Variants in SGO1 observed in about 807,000 individuals in gnomAD.
The protein encoded by SGO1 is serologically defined breast cancer antigen NY-BR-85.
SGO1 carries 39 observed loss-of-function variants against 50.5 expected under a neutral mutation model. The ratio of observed to expected loss-of-function variants is 0.77; its 90% CI spans 0.60 to 1.01. The LOEUF is 1.01. Among genes scored for constraint, SGO1 ranks in the 50% least tolerant of loss-of-function variants. SGO1 has a pLI of 0.00. For synonymous variants in SGO1, 191 were observed against 205.1 expected (o/e 0.93, Z 0.59); for missense variants, 638 against 606.0 (o/e 1.05, Z -0.55).
At chr3:20,175,937 T>C (rs1701340166) in intron 5 of SGO1, among the ~76,000 whole-genome samples, 1 of 152,316 alleles carries the variant, frequency 6.6e-6, no homozygotes, top group Admixed American at 6.5e-5. Flanking sequence ...GGGAGCTAAG[T>C]TGTTCTTTGA....
chr3:20,183,495 A>C, intron 3 of SGO1, 113 bp downstream of exon 3: 2 of 899,124 alleles, frequency 2.2e-6, no homozygotes, highest in Non-Finnish European at 3.3e-6. Context: ...GATGTTTTAA[A>C]CAATTCATGC....
intron 3 of SGO1, among the ~76,000 whole-genome samples, chr3:20,181,155 C>A (rs919933086): frequency 8.5e-5 from 13 of 152,146 alleles, no homozygotes; most frequent in African/African-American, 3.1e-4. Flanking sequence ...ACTCTGTCCA[C>A]CCCCAACCTA....
At chr3:20,176,418 C>G in intron 5 of SGO1, among the ~76,000 whole-genome samples, 183 bp downstream of exon 5, 1 of 151,898 alleles carries the variant, frequency 6.6e-6, no homozygotes, top group Middle Eastern at 3.2e-3. Flanking sequence ...AGATTTGACA[C>G]AATAAATATA....
chr3:20,169,760 ACTTAT>A lies in SGO1; in HGVS notation c.*939_*943del. 1.1e-6 allele frequency: 1 copy of A among 938,508 alleles called. No homozygotes were observed. The highest frequency in any genetic ancestry group is 1.3e-6 in the Non-Finnish European group (1 of 787,256). 58.1% of individuals were successfully genotyped at this position (938,508 alleles called of 1,614,324 possible). A position where few individuals can be genotyped will look rare whatever the true frequency, so the allele number is the denominator to read the frequency against. ...TAGAGCTTGGGGTTCACAATTAGTC[ACTTAT>A]CTTGTCCCTGAGCCTAAAAAAGAAT... On this transcript the variant is annotated 3_prime_UTR_variant, in exon 8 of 8. Coordinates refer to ENST00000412997, the MANE Select transcript of SGO1 (RefSeq NM_001199251.3).
chr3:20,164,174 G>C (rs1182168094), intron 8 of SGO1, among the ~76,000 whole-genome samples: 1 of 152,148 alleles, frequency 6.6e-6, no homozygotes, highest in East Asian at 1.9e-4. Flanking sequence ...ACGTAGATGT[G>C]AAGATCTTTA....
At chr3:20,164,613 TAGAA>T (rs1014857834), downstream of SGO1, among the ~76,000 whole-genome samples, 10 of 151,834 alleles carry the variant, frequency 6.6e-5, no homozygotes, top group African/African-American at 1.5e-4. Context: ...ACATGCAAAA[TAGAA>T]AGACAGAAGT....
intron 8 of SGO1, among the ~76,000 whole-genome samples, chr3:20,164,311 G>C (rs990779536): frequency 6.6e-6 from 1 of 151,764 alleles, no homozygotes; most frequent in Admixed American, 6.6e-5. Flanking sequence ...ACCATATTAA[G>C]AGAATAAAGG....
chr3:20,171,348 A>T (rs1575197252), intron 6 of SGO1, 116 bp from the exon 7 acceptor site: 14 of 864,116 alleles, frequency 1.6e-5, no homozygotes, highest in Non-Finnish European at 2.3e-5. Flanking sequence ...TAATAATAGA[A>T]TTTTTTTTTA....
At chr3:20,184,138 G>C in intron 1 of SGO1, 104 bp from the exon 2 acceptor site, 2 of 838,690 alleles carry the variant, frequency 2.4e-6, no homozygotes, top group South Asian at 5.1e-5. Context: ...CTAAACTGTA[G>C]AATTAGCTCA....
intron 8 of SGO1, among the ~76,000 whole-genome samples, chr3:20,161,700 A>G (rs1256892550): frequency 1.3e-5 from 2 of 152,156 alleles, no homozygotes; most frequent in Non-Finnish European, 2.9e-5. Context: ...ATTACGAGAT[A>G]TTGCATAAGG....
intron 1 of SGO1, among the ~76,000 whole-genome samples, chr3:20,184,628 T>A (rs1044837202): frequency 3.3e-5 from 5 of 152,170 alleles, no homozygotes; most frequent in Non-Finnish European, 7.4e-5. Context: ...ACATACAATT[T>A]TAATAGGCTA....
rs184849831 is a variant in SGO1 at position 20,163,372 on chromosome 3, T to C, written c.1565-2146A>G. 6.8e-4 allele frequency among the ~76,000 whole-genome samples: 104 copies of C among 152,242 alleles called. No homozygotes were observed. The Middle Eastern group carries it at 0.014, about 20-fold the overall frequency. ...ATATAAAAACTTTTCTTGGAGTTAG[T>C]TCTAACAGAACTAACATTGGAATTG... On this transcript the variant is annotated intron_variant, in intron 8 of 8. Coordinates refer to the SGO1 transcript ENST00000263753.
chr3:20,174,329 G>C lies in SGO1; in HGVS notation c.1202C>G (p.Thr401Ser). 1 of 1,614,172 alleles carries C rather than the reference G, an allele frequency of 6.2e-7. No homozygotes were observed. The highest frequency in any genetic ancestry group is 8.5e-7 in the Non-Finnish European group (1 of 1,180,032). The change falls in exon 6 of 8, where the codon ACC (threonine) becomes AGC (serine). Residue 401 changes from threonine (T) to serine (S), a missense_variant. Coordinates refer to ENST00000412997, the MANE Select transcript of SGO1 (RefSeq NM_001199251.3). ...NPTSNSDRPV[T>S]RPLAKRALKY... Reference sequence around the variant, plus strand: ...CAGTGCTCTTTTAGCTAGAGGCCTGGTGACTGGTCTATCTGAATTGCTCGT... The same window carrying C: ...CAGTGCTCTTTTAGCTAGAGGCCTGCTGACTGGTCTATCTGAATTGCTCGT...
At position 20,172,910 on chromosome 3, in the gene SGO1, G is replaced by A. The variant is rs114558816; in HGVS notation, c.1282+1339C>T. 6.1e-3 allele frequency among the ~76,000 whole-genome samples: 923 copies of A among 151,986 alleles called. 10 individuals carry two copies. Among genetic ancestry groups the A allele is most frequent in the African/African-American group, 0.021 (879 of 41,430 alleles). On this transcript the variant is annotated intron_variant, in intron 6 of 7. Transcript: ENST00000412997. ...GAGCCTGGGAGGTTGAGACTGCAGT[G>A]AGCCATGACAGTGCCACTGCCCTCC...
At chr3:20,163,601 T>G (rs992776087) in intron 8 of SGO1, among the ~76,000 whole-genome samples, 3 of 152,172 alleles carry the variant, frequency 2.0e-5, no homozygotes, top group African/African-American at 7.2e-5. Context: ...ATAGAATATC[T>G]TTTGTTTCCG....
intron 3 of SGO1, among the ~76,000 whole-genome samples, chr3:20,180,114 T>G (rs78264073): frequency 6.6e-6 from 1 of 152,090 alleles, no homozygotes; most frequent in South Asian, 2.1e-4. Flanking sequence ...CTGGGCAACA[T>G]AGTGAGATGG....
intron 4 of SGO1, among the ~76,000 whole-genome samples, chr3:20,177,815 A>G (rs1399454966): frequency 6.6e-6 from 1 of 152,218 alleles, no homozygotes; most frequent in Non-Finnish European, 1.5e-5. Context: ...AGGAGGGTAT[A>G]TGGGATCTAG....
chr3:20,172,020 G>A (rs574673048), intron 6 of SGO1, among the ~76,000 whole-genome samples: 5 of 152,284 alleles, frequency 3.3e-5, no homozygotes, highest in Non-Finnish European at 5.9e-5. Flanking sequence ...TGTATACTAA[G>A]AGCCATATGC....
chr3:20,161,342 G>C, intron 8 of SGO1: 1 of 1,368,894 alleles, frequency 7.3e-7, no homozygotes, highest in Non-Finnish European at 9.5e-7. Context: ...TAAAAAATTA[G>C]AAAATATGTG....
Sources: allele counts gnomAD v4.1 joint callset (sites outside exome capture counted in the v4.1 genomes callset), GRCh38; gene constraint gnomAD v4.1.1; transcripts MANE v1.5; gene names NCBI Gene and HGNC (gene_info 2026-07-23, HGNC 2026-07-21).